The following SWT1 variants were observed in gnomAD, a reference collection of about 807,000 sequenced individuals.
SWT1 encodes transcriptional protein SWT1.
SWT1 carries 33 observed loss-of-function variants against 107.3 expected under a neutral mutation model. The ratio of observed to expected loss-of-function variants is 0.31; its 90% CI spans 0.23 to 0.41. SWT1 has a LOEUF of 0.41. Among genes scored for constraint, SWT1 ranks in the 10% least tolerant of loss-of-function variants. The pLI, the probability that SWT1 is intolerant of heterozygous loss-of-function variation, is 1.00. For synonymous variants in SWT1, 345 were observed against 348.3 expected (o/e 0.99, Z 0.11); for missense variants, 898 against 1,028.9 (o/e 0.87, Z 1.74).
intron 14 of SWT1, among the ~76,000 whole-genome samples, chr1:185,215,100 A>G (rs1659113948): frequency 6.6e-6 from 1 of 152,154 alleles, no homozygotes. Flanking sequence ...TTTTGAAATA[A>G]TTTCAAACTT....
chr1:185,182,600 G>A (rs1474808566), intron 7 of SWT1, among the ~76,000 whole-genome samples: 2 of 148,066 alleles, frequency 1.4e-5, no homozygotes, highest in African/African-American at 5.0e-5. Flanking sequence ...GGGAGGTTGA[G>A]GCTGCAGTGT....
chr1:185,258,771 A>G (rs1303124603), intron 16 of SWT1, among the ~76,000 whole-genome samples: 10 of 151,972 alleles, frequency 6.6e-5, no homozygotes, highest in African/African-American at 2.2e-4. Flanking sequence ...CAATTCTATC[A>G]TAATATATCT....
chr1:185,251,772 A>C (rs2102647891), intron 16 of SWT1, among the ~76,000 whole-genome samples: 1 of 151,244 alleles, frequency 6.6e-6, no homozygotes, highest in South Asian at 2.1e-4. Context: ...TTTGCTTGAT[A>C]AGTAAAACAA....
intron 4 of SWT1, among the ~76,000 whole-genome samples, chr1:185,171,902 C>T (rs549168894): frequency 5.9e-5 from 9 of 152,220 alleles, no homozygotes; most frequent in Admixed American, 5.9e-4. Flanking sequence ...TAGATTGAGA[C>T]TCTGTCAAAC....
chr1:185,190,598 C>T lies in SWT1; in HGVS notation c.1479C>T (p.Leu493=). 6.2e-7 allele frequency: 1 copy of T among 1,611,516 alleles called. No homozygotes were observed. The highest frequency in any genetic ancestry group is 1.3e-5 in the African/African-American group (1 of 74,956). The change falls in exon 10 of 19, where the codon CTC becomes CTT. Residue 493 remains leucine, a synonymous_variant. Transcript: ENST00000367500. ...NNDDRVLKCC[L]QHQELFPCSF... ...ATGATCGAGTACTAAAATGCTGTCTCCAGCACCAGGAATTATTCCCTTGTT... is the reference window on the plus strand; with the variant it reads ...ATGATCGAGTACTAAAATGCTGTCTTCAGCACCAGGAATTATTCCCTTGTT...
At position 185,283,341 on chromosome 1, in the gene SWT1, G is replaced by T. The variant is rs139897340; in HGVS notation, c.2573+6673G>T. 7.7e-3 allele frequency among the ~76,000 whole-genome samples: 1,167 copies of T among 152,302 alleles called. 10 individuals carry two copies. The highest frequency in any genetic ancestry group is 0.03 in the South Asian group (144 of 4,826). On this transcript the variant is annotated intron_variant, in intron 18 of 18. Transcript: ENST00000367500. ...TTTTGCTCTTGCCAGTAGAGTGTCT[G>T]AGCACTGCTTACCCTGAGCAGATGA...
intron 16 of SWT1, among the ~76,000 whole-genome samples, chr1:185,233,659 T>C (rs1660649450): frequency 6.6e-6 from 1 of 152,212 alleles, no homozygotes; most frequent in South Asian, 2.1e-4. Flanking sequence ...TGCACTGTGG[T>C]CTGAGAGACT....
At chr1:185,183,293 TC>T (rs1249219236) in intron 7 of SWT1, among the ~76,000 whole-genome samples, 1 of 152,206 alleles carries the variant, frequency 6.6e-6, no homozygotes, top group Non-Finnish European at 1.5e-5. Context: ...TGTGGGTTTT[TC>T]TTTTGTTTTT....
chr1:185,282,679 G>A (rs557618246), intron 18 of SWT1, among the ~76,000 whole-genome samples: 10 of 152,164 alleles, frequency 6.6e-5, no homozygotes, highest in African/African-American at 1.7e-4. Context: ...TGTCTGAAGT[G>A]GGGGGCAGTC....
intron 5 of SWT1, among the ~76,000 whole-genome samples, chr1:185,179,845 C>A (rs1418612089): frequency 1.3e-5 from 2 of 152,184 alleles, no homozygotes; most frequent in Non-Finnish European, 2.9e-5. Context: ...GGCAATTTTG[C>A]CCCTCAGGGG....
chr1:185,162,679 G>A (rs2102297033), intron 2 of SWT1, among the ~76,000 whole-genome samples: 4 of 152,104 alleles, frequency 2.6e-5, no homozygotes, highest in Admixed American at 2.6e-4. Flanking sequence ...GAGATATTTT[G>A]GGTTCAGTTC....
chr1:185,255,753 T>A (rs1186773477), intron 16 of SWT1, among the ~76,000 whole-genome samples: 15 of 149,792 alleles, frequency 1.0e-4, no homozygotes, highest in African/African-American at 3.7e-4. Flanking sequence ...GTCTGTGTCT[T>A]TTAATTGGAG....
intron 16 of SWT1, among the ~76,000 whole-genome samples, chr1:185,234,430 CA>C (rs1380372164): frequency 6.6e-6 from 1 of 152,162 alleles, no homozygotes; most frequent in Non-Finnish European, 1.5e-5. Context: ...ACTAGGATTG[CA>C]ACCCCTGCTT....
At chr1:185,189,275 C>T (rs1230986255) in intron 9 of SWT1, among the ~76,000 whole-genome samples, 1 of 152,136 alleles carries the variant, frequency 6.6e-6, no homozygotes, top group Non-Finnish European at 1.5e-5. Context: ...AGGCACCACC[C>T]ACCTGGCCTG....
chr1:185,200,485 T>C lies in SWT1; in HGVS notation c.1524-2169T>C, dbSNP rs1330833054. On this transcript the variant is annotated intron_variant, in intron 10 of 18. Coordinates refer to ENST00000367500, the MANE Select transcript of SWT1 (RefSeq NM_017673.7). ...TGCTACTCCTTTCTGTTTGTTGGTT[T>C]TCCTTCTAACAGTCAGACCCCTCTG... 4.6e-5 allele frequency among the ~76,000 whole-genome samples: 7 copies of C among 152,200 alleles called. No individual in the cohort carries two copies. The East Asian group carries it at 1.3e-3, about 29-fold the overall frequency.
At chr1:185,168,062 A>G (rs1374132888) in intron 3 of SWT1, among the ~76,000 whole-genome samples, 1 of 152,078 alleles carries the variant, frequency 6.6e-6, no homozygotes, top group Non-Finnish European at 1.5e-5. Flanking sequence ...CAGTTTCCTC[A>G]GAGTACGTAG....
At chr1:185,237,174 C>T (rs541773517) in intron 16 of SWT1, among the ~76,000 whole-genome samples, 6 of 152,210 alleles carry the variant, frequency 3.9e-5, no homozygotes, top group African/African-American at 1.4e-4. Flanking sequence ...CTAGAAATAC[C>T]ATTTGACCCA....
In SWT1 at chr1:185,166,606, C is replaced by T; in HGVS notation, c.119C>T (p.Thr40Ile). Residue 40 changes from threonine to isoleucine, a missense_variant, in exon 3 of 19, where the codon ACT (threonine) becomes ATT (isoleucine). By Grantham distance (89) the Thr-to-Ile change is moderately conservative (BLOSUM62 -1). This residue lies in a region of SWT1 where 382 missense variants were observed against 362.4 expected (regional missense o/e 1.05). Transcript: ENST00000367500. ...KKERKTPASS[T>I]SSSSIRSVSS... ...GAGAGAAAAACCCCAGCAAGTTCTA[C>T]TAGTTCATCTTCTATAAGATCAGTT... 4.4e-6 allele frequency: 7 copies of T among 1,606,728 alleles called. No homozygotes were observed. Among genetic ancestry groups the T allele is most frequent in the Non-Finnish European group, 6.0e-6 (7 of 1,175,194 alleles).
chr1:185,234,754 C>T lies in SWT1; in HGVS notation c.2441+3046C>T, dbSNP rs139299001. Among the ~76,000 whole-genome samples the T allele has an allele frequency of 8.3e-3, 1,260 of 152,164 alleles. 10 individuals are homozygous for T. Among genetic ancestry groups the T allele is most frequent in the South Asian group, 0.015 (70 of 4,818 alleles). On this transcript the variant is annotated intron_variant, in intron 16 of 18. Coordinates refer to ENST00000367500, the MANE Select transcript of SWT1 (RefSeq NM_017673.7). Reference sequence around the variant, plus strand: ...GGTATGTTTTTGCAGTGGCTGGTACCGGTTGTTCCTTTCCATGTTTAGTGC... The same window carrying T: ...GGTATGTTTTTGCAGTGGCTGGTACTGGTTGTTCCTTTCCATGTTTAGTGC...
Sources: gnomAD v4.1 joint callset for allele counts (sites outside exome capture counted in the v4.1 genomes callset) on GRCh38, gnomAD v4.1.1 for gene constraint, gnomAD v4.1.1 regional missense constraint, MANE v1.5 for transcripts, NCBI Gene and HGNC (gene_info 2026-07-23, HGNC 2026-07-21) for gene names.